ATP10B: variants seen among roughly 807,000 people sequenced by gnomAD.
The protein encoded by ATP10B is ATPase phospholipid transporting 10B (putative).
In ATP10B, 122 loss-of-function variants were observed where a neutral mutation model predicts 141.2. The ratio of observed to expected loss-of-function variants is 0.86; its 90% CI spans 0.75 to 1.00. The LOEUF (loss-of-function observed/expected upper bound fraction) is 1.00, where lower values mean the gene tolerates loss of function less well. Ranked by LOEUF, ATP10B falls within the 50% of genes least tolerant of loss-of-function variation. The pLI is 0.00. For missense variants in ATP10B, 1,876 were observed against 1,825.3 expected (o/e 1.03, Z -0.51); for synonymous variants, 685 against 692.0 (o/e 0.99, Z 0.16).
chr5:160,813,374 C>T (rs908853908), intron 1 of ATP10B, among the ~76,000 whole-genome samples: 4 of 152,190 alleles, frequency 2.6e-5, no homozygotes, highest in African/African-American at 7.2e-5. Context: ...GCCCACAGAG[C>T]CTCGCTCATT....
At chr5:160,733,405 C>T (rs1263602827) in intron 2 of ATP10B, among the ~76,000 whole-genome samples, 1 of 151,950 alleles carries the variant, frequency 6.6e-6, no homozygotes, top group Admixed American at 6.6e-5. Context: ...GAAATAATGA[C>T]ACAAAACTTC....
chr5:160,606,947 T>C lies in ATP10B; in HGVS notation c.2978A>G (p.Glu993Gly). 6.2e-7 allele frequency: 1 copy of C among 1,614,172 alleles called. No homozygotes were observed. The highest frequency in any genetic ancestry group is 8.5e-7 in the Non-Finnish European group (1 of 1,180,016). ...PSITSEAVVP[E>G]AGLVIDGKTL... The stretch of plus-strand genomic sequence containing the variant: ...CTTCCCATCGATGACCAATCCAGCT[T>C]CTGGAACCACAGCTTCTGAGGTGAT... The change falls in exon 19 of 26, where the codon GAA becomes GGA. Residue 993 changes from glutamate to glycine, a missense_variant. Physicochemically the swap from Glu to Gly is moderately conservative, Grantham distance 98. Coordinates refer to ENST00000327245, the MANE Select transcript of ATP10B (RefSeq NM_025153.3).
chr5:160,897,890 A>T, the ATP10B span, among the ~76,000 whole-genome samples: 1 of 152,156 alleles, frequency 6.6e-6, no homozygotes, highest in African/African-American at 2.4e-5. Context: ...AACAACACAT[A>T]TCTACAACTA....
intron 3 of ATP10B, among the ~76,000 whole-genome samples, chr5:160,706,943 ATATT>A (rs551509241): frequency 4.5e-4 from 68 of 151,728 alleles, no homozygotes; most frequent in Non-Finnish European, 6.0e-4. Flanking sequence ...GTTTGTTTTA[ATATT>A]TATTTATTTA....
chr5:160,833,086 T>A (rs188717722), intron 1 of ATP10B, among the ~76,000 whole-genome samples: 3 of 152,134 alleles, frequency 2.0e-5, no homozygotes, highest in Non-Finnish European at 1.5e-5. Context: ...AAAGCATCAG[T>A]CTACTGAAGG....
chr5:160,581,314 G>A (rs1297770844), intron 24 of ATP10B, among the ~76,000 whole-genome samples: 2 of 152,176 alleles, frequency 1.3e-5, no homozygotes, highest in Admixed American at 1.3e-4. Context: ...TCTAAACACT[G>A]CTTTAGCTGT....
At chr5:160,754,682 G>A (rs559527644) in intron 2 of ATP10B, among the ~76,000 whole-genome samples, 1 of 152,228 alleles carries the variant, frequency 6.6e-6, no homozygotes, top group African/African-American at 2.4e-5. Flanking sequence ...AGTTCTTTGT[G>A]GATGGGCAGG....
chr5:160,597,824 C>T (rs553128629), intron 22 of ATP10B, among the ~76,000 whole-genome samples: 7 of 152,090 alleles, frequency 4.6e-5, no homozygotes, highest in African/African-American at 1.7e-4. Flanking sequence ...CAGAGAAATG[C>T]AAATCAAAAC....
chr5:160,859,129 C>T, the ATP10B span, among the ~76,000 whole-genome samples: 1 of 151,714 alleles, frequency 6.6e-6, no homozygotes, highest in Non-Finnish European at 1.5e-5. Flanking sequence ...CTTGGTTTTC[C>T]TTCATTTGCA....
At chr5:160,919,752 T>G in the ATP10B span, among the ~76,000 whole-genome samples, 1 of 152,142 alleles carries the variant, frequency 6.6e-6, no homozygotes, top group Non-Finnish European at 1.5e-5. Flanking sequence ...GAAATCCCAG[T>G]AGCTTCCGCT....
intron 24 of ATP10B, among the ~76,000 whole-genome samples, chr5:160,585,205 T>C (rs1023927857): frequency 2.0e-5 from 3 of 152,234 alleles, no homozygotes; most frequent in Non-Finnish European, 2.9e-5. Flanking sequence ...CTCCCAAAAC[T>C]ACATTTCAAT....
At chr5:160,767,644 C>CCCCCCG (rs1554113868) in intron 2 of ATP10B, among the ~76,000 whole-genome samples, 5 of 133,746 alleles carry the variant, frequency 3.7e-5, no homozygotes, top group South Asian at 2.8e-4. Flanking sequence ...AACCCCCCCC[C>CCCCCCG]CCAAAATAAC....
At position 160,640,501 on chromosome 5, in the gene ATP10B, G is replaced by A. The variant is rs780581407; in HGVS notation, c.960C>T (p.Cys320=). The A allele has an allele frequency of 3.7e-6, 6 of 1,614,124 alleles. No homozygotes were observed. The highest frequency in any genetic ancestry group is 5.1e-6 in the Non-Finnish European group (6 of 1,179,990). ...GGCACATGAGGATGAGGATCCCAAT[G>A]CAGAAGAAGATGTCTATATTCATGC... The part of the protein sequence containing the change: ...ERRMNIDIFF[C]IGILILMCLI... The change falls in exon 10 of 26, where the codon TGC becomes TGT. Residue 320 remains cysteine, a synonymous_variant. Transcript: ENST00000327245.
intron 2 of ATP10B, among the ~76,000 whole-genome samples, chr5:160,740,484 CT>C (rs1767392031): frequency 6.6e-6 from 1 of 152,178 alleles, no homozygotes; most frequent in African/African-American, 2.4e-5. Context: ...ATAACCTCTG[CT>C]TATCGGCCCT....
chr5:160,670,666 T>C lies in ATP10B; in HGVS notation c.472A>G (p.Lys158Glu). ...CACTTCTGCACATAGGTCTGCTCTTTTCTTGGGTGAGAGAAAGACAGGGTG... is the reference window on the plus strand; with the variant it reads ...CACTTCTGCACATAGGTCTGCTCTTCTCTTGGGTGAGAGAAAGACAGGGTG... ...NCSNIRIYER[K>E]EQTYVQKCWK... is the part of the protein sequence containing the mutation. Residue 158 changes from lysine to glutamate, a missense_variant and splice_region_variant, in exon 7 of 26, where the codon AAA (lysine) becomes GAA (glutamate). Physicochemically the swap from Lys to Glu is moderately conservative, Grantham distance 56. Coordinates refer to ENST00000327245, the MANE Select transcript of ATP10B (RefSeq NM_025153.3). The C allele has an allele frequency of 6.2e-7, 1 of 1,612,924 alleles. No homozygotes were observed. The highest frequency in any genetic ancestry group is 8.5e-7 in the Non-Finnish European group (1 of 1,179,590).
chr5:160,854,090 C>T (rs899090206), upstream of ATP10B, among the ~76,000 whole-genome samples: 2 of 152,096 alleles, frequency 1.3e-5, no homozygotes, highest in Non-Finnish European at 2.9e-5. Flanking sequence ...GGCTTTTGCT[C>T]CCATCCCCGA....
chr5:160,674,372 T>C (rs776906664), intron 6 of ATP10B, among the ~76,000 whole-genome samples: 2 of 152,206 alleles, frequency 1.3e-5, no homozygotes, highest in African/African-American at 2.4e-5. Context: ...TTGTGGCATA[T>C]GTGTTTTTCT....
At chr5:160,775,676 A>ATTTTTTTT (rs10642787) in intron 2 of ATP10B, among the ~76,000 whole-genome samples, 13 of 116,816 alleles carry the variant, frequency 1.1e-4, no homozygotes, top group African/African-American at 1.6e-4. Flanking sequence ...CAAGTTTCAG[A>ATTTTTTTT]TTTTTTTTTT....
intron 2 of ATP10B, among the ~76,000 whole-genome samples, chr5:160,748,165 T>G (rs1041904754): frequency 6.6e-6 from 1 of 151,736 alleles, no homozygotes; most frequent in African/African-American, 2.4e-5. Context: ...GTACCGCTTT[T>G]GGAAGCTGCG....
Sources: gnomAD v4.1 joint callset for allele counts (sites outside exome capture counted in the v4.1 genomes callset) on GRCh38, gnomAD v4.1.1 for gene constraint, MANE v1.5 for transcripts, NCBI Gene and HGNC (gene_info 2026-07-23, HGNC 2026-07-21) for gene names.